Variants in PVT1 observed in about 807,000 individuals in gnomAD.
PVT1 encodes the protein Pvt1 oncogene.
chr8:128,022,637 T>C (rs1447278258), intron 4 of PVT1, among the ~76,000 whole-genome samples: 2 of 152,250 alleles, frequency 1.3e-5, no homozygotes, highest in Non-Finnish European at 2.9e-5. Context: ...GGCAGCAGCA[T>C]GGAACTTGGT....
At chr8:127,937,536 C>T (rs1816290542) in intron 3 of PVT1, among the ~76,000 whole-genome samples, 1 of 145,140 alleles carries the variant, frequency 6.9e-6, no homozygotes, top group Admixed American at 6.9e-5. Context: ...AAATGCCCAC[C>T]CTAGGGAAAA....
intron 3 of PVT1, among the ~76,000 whole-genome samples, chr8:127,919,299 C>T (rs1816028012): frequency 6.6e-6 from 1 of 152,192 alleles, no homozygotes; most frequent in African/African-American, 2.4e-5. Context: ...CGGCATTCCT[C>T]CTTGATGTCA....
At chr8:128,016,576 T>A (rs1456118419) in intron 4 of PVT1, among the ~76,000 whole-genome samples, 1 of 152,244 alleles carries the variant, frequency 6.6e-6, no homozygotes, top group Admixed American at 6.5e-5. Flanking sequence ...ATGATTTACA[T>A]TAACTCCTCC....
chr8:127,822,697 A>C (rs1814747058), intron 2 of PVT1, among the ~76,000 whole-genome samples: 1 of 152,246 alleles, frequency 6.6e-6, no homozygotes, highest in South Asian at 2.1e-4. Flanking sequence ...GGAAGCAGAA[A>C]TGCTGAGCTT....
chr8:127,981,337 G>A (rs937969265), intron 3 of PVT1, among the ~76,000 whole-genome samples: 4 of 152,318 alleles, frequency 2.6e-5, no homozygotes, highest in African/African-American at 9.6e-5. Context: ...ATGTGACCAT[G>A]TGCAAAGCAT....
chr8:127,837,052 G>A (rs1248058596), intron 2 of PVT1, among the ~76,000 whole-genome samples: 1 of 152,172 alleles, frequency 6.6e-6, no homozygotes, highest in Non-Finnish European at 1.5e-5. Flanking sequence ...CATAAGCCAG[G>A]CCCCCTGAGG....
chr8:127,807,957 A>G (rs769649382), intron 2 of PVT1, among the ~76,000 whole-genome samples: 36 of 151,754 alleles, frequency 2.4e-4, no homozygotes, highest in Non-Finnish European at 3.5e-4. Flanking sequence ...TTTAGTAGAG[A>G]CGGGGTTTCA....
At chr8:127,887,928 C>CTTG (rs1815544428) in intron 2 of PVT1, among the ~76,000 whole-genome samples, 1 of 56,922 alleles carries the variant, frequency 1.8e-5, no homozygotes, top group Non-Finnish European at 3.3e-5. Context: ...CTCACTCTAT[C>CTTG]TTGTTTTTTT....
At chr8:127,950,178 G>C (rs1816488630) in intron 3 of PVT1, among the ~76,000 whole-genome samples, 1 of 152,236 alleles carries the variant, frequency 6.6e-6, no homozygotes, top group Admixed American at 6.5e-5. Context: ...TTTTACTGAT[G>C]ATGCAGGCTT....
chr8:128,019,847 G>A (rs1817413680), intron 4 of PVT1, among the ~76,000 whole-genome samples: 1 of 152,132 alleles, frequency 6.6e-6, no homozygotes, highest in African/African-American at 2.4e-5. Flanking sequence ...CACTTGCAGT[G>A]GACAAAAAAG....
intron 3 of PVT1, among the ~76,000 whole-genome samples, chr8:127,958,277 T>C (rs1816595564): frequency 6.6e-6 from 1 of 152,050 alleles, no homozygotes; most frequent in African/African-American, 2.4e-5. Context: ...TCTGGCTGTG[T>C]CGCCCAGGCA....
chr8:127,918,687 C>T (rs961190496), intron 3 of PVT1, among the ~76,000 whole-genome samples: 1 of 152,180 alleles, frequency 6.6e-6, no homozygotes, highest in Non-Finnish European at 1.5e-5. Flanking sequence ...GCTCCTCTAG[C>T]TTTGCAGAGA....
intron 2 of PVT1, among the ~76,000 whole-genome samples, chr8:127,796,255 T>G (rs1814395170): frequency 6.6e-6 from 1 of 152,196 alleles, no homozygotes. Flanking sequence ...TGTTTTGTTT[T>G]TTTTCTGATT....
At chr8:127,828,815 A>G (rs985922129) in intron 2 of PVT1, among the ~76,000 whole-genome samples, 4 of 151,970 alleles carry the variant, frequency 2.6e-5, no homozygotes, top group Non-Finnish European at 5.9e-5. Context: ...GAGATGGACT[A>G]TTTTTTTCCC....
chr8:127,881,203 C>G (rs1047737418), intron 2 of PVT1, among the ~76,000 whole-genome samples: 1 of 152,050 alleles, frequency 6.6e-6, no homozygotes, highest in Non-Finnish European at 1.5e-5. Context: ...TTTGCATCTC[C>G]CGAGTCTGAC....
At chr8:127,982,200 G>T (rs1306469255) in intron 3 of PVT1, among the ~76,000 whole-genome samples, 1 of 152,194 alleles carries the variant, frequency 6.6e-6, no homozygotes, top group Non-Finnish European at 1.5e-5. Flanking sequence ...ATTGGAGTTG[G>T]ATAACGATGT....
chr8:127,810,811 A>G (rs1021792083), intron 2 of PVT1, among the ~76,000 whole-genome samples: 1 of 152,108 alleles, frequency 6.6e-6, no homozygotes, highest in Non-Finnish European at 1.5e-5. Flanking sequence ...ACTCCTACCT[A>G]TGCTTTATGA....
At chr8:127,999,766 T>A (rs1281327809) in intron 4 of PVT1, among the ~76,000 whole-genome samples, 1 of 152,224 alleles carries the variant, frequency 6.6e-6, no homozygotes, top group Non-Finnish European at 1.5e-5. Context: ...CCGGCCCCCA[T>A]CCACTTTTAA....
chr8:127,945,478 C>T (rs1586448850), intron 3 of PVT1, among the ~76,000 whole-genome samples: 1 of 152,188 alleles, frequency 6.6e-6, no homozygotes, highest in Non-Finnish European at 1.5e-5. Flanking sequence ...TTGCCAGTCT[C>T]ATGGGGGTGA....
Sources: allele counts gnomAD v4.1 joint callset (sites outside exome capture counted in the v4.1 genomes callset), GRCh38; gene constraint gnomAD v4.1.1; transcripts MANE v1.5; gene names NCBI Gene and HGNC (gene_info 2026-07-23, HGNC 2026-07-21).